The following SLC38A11 variants were observed in gnomAD, a reference collection of about 807,000 sequenced individuals.
The protein encoded by SLC38A11 is solute carrier family 38 member 11.
SLC38A11 carries 51 observed loss-of-function variants against 49.4 expected under a neutral mutation model. The ratio of observed to expected loss-of-function variants is 1.03; its 90% confidence interval spans 0.83 to 1.30. The LOEUF (loss-of-function observed/expected upper bound fraction) is 1.30, where lower values mean the gene tolerates loss of function less well. Ranked by LOEUF, SLC38A11 falls within the 50% of genes most tolerant of loss-of-function variation. The pLI, the probability that SLC38A11 is intolerant of heterozygous loss-of-function variation, is 0.00. For synonymous variants in SLC38A11, 203 were observed against 192.9 expected (o/e 1.05, Z -0.43); for missense variants, 574 against 556.2 (o/e 1.03, Z -0.32).
At position 164,898,312 on chromosome 2, in the gene SLC38A11, T is replaced by G. The variant is rs1257899173; in HGVS notation, c.*125A>C. On this transcript the variant is annotated 3_prime_UTR_variant, in exon 12 of 12. Transcript: ENST00000685975. The stretch of plus-strand genomic sequence containing the variant: ...TTTATCTTTTATATTGCACTACTCA[T>G]AAAAGCCAAGTCTTGATAAAAGCCA... 1 of 732,182 alleles carries G rather than the reference T, an allele frequency of 1.4e-6. No individual in the cohort carries two copies. Among genetic ancestry groups the G allele is most frequent in the East Asian group, 2.7e-5 (1 of 36,448 alleles). 45.4% of individuals were successfully genotyped at this position (732,182 alleles called of 1,614,324 possible). A position where few individuals can be genotyped will look rare whatever the true frequency, so the allele number is the denominator to read the frequency against.
intron 9 of SLC38A11, among the ~76,000 whole-genome samples, chr2:164,913,549 G>A (rs1038474200): frequency 1.3e-5 from 2 of 152,000 alleles, no homozygotes; most frequent in Non-Finnish European, 2.9e-5. Flanking sequence ...GTATTTTAAA[G>A]AATTACAGCT....
Position 164,911,759 on chromosome 2 carries a change from A to C in SLC38A11, c.851-11T>G. 1 of 1,473,450 alleles carries C rather than the reference A, an allele frequency of 6.8e-7. No individual in the cohort carries two copies. The highest frequency in any genetic ancestry group is 1.2e-5 in the South Asian group (1 of 80,704). The allele number at this position is 1,473,450 out of a possible 1,614,324, so 91.3% of individuals were successfully genotyped here. A position where few individuals can be genotyped will look rare whatever the true frequency, so the allele number is the denominator to read the frequency against. The stretch of plus-strand genomic sequence containing the variant: ...TTTCAAATAAGTCCCCTAGATAGTA[A>C]TATAAAATAAGTTTATTTACTAGAT... On this transcript the variant is annotated splice_polypyrimidine_tract_variant and intron_variant, in intron 9 of 11. Coordinates refer to ENST00000685975, the MANE Select transcript of SLC38A11 (RefSeq NM_001351537.2).
chr2:164,950,505 G>T (rs187369299), intron 3 of SLC38A11, among the ~76,000 whole-genome samples: 21 of 152,056 alleles, frequency 1.4e-4, no homozygotes, highest in African/African-American at 5.1e-4. Context: ...AAAAGTTTTA[G>T]GTATCTTAGG....
intron 7 of SLC38A11, chr2:164,922,095 A>G (rs1187981476): frequency 6.6e-6 from 1 of 152,164 alleles, no homozygotes; most frequent in East Asian, 1.9e-4. Context: ...ACAATAAGGC[A>G]ATGTAGAAGA....
At chr2:164,949,184 A>G (rs1224732894) in intron 3 of SLC38A11, among the ~76,000 whole-genome samples, 2 of 101,608 alleles carry the variant, frequency 2.0e-5, no homozygotes. Flanking sequence ...ATGTTTACCC[A>G]TCGGATTCTA....
intron 3 of SLC38A11, 89 bp from the exon 4 acceptor site, chr2:164,945,816 A>C (rs1216867110): frequency 7.0e-7 from 1 of 1,422,318 alleles, no homozygotes; most frequent in Non-Finnish European, 9.6e-7. Flanking sequence ...GAAAAGGGGA[A>C]ATTTTAAAGA....
At chr2:164,949,234 TATTTA>T (rs1026682366) in intron 3 of SLC38A11, among the ~76,000 whole-genome samples, 4 of 151,924 alleles carry the variant, frequency 2.6e-5, no homozygotes, top group African/African-American at 9.7e-5. Flanking sequence ...TATTTTTATT[TATTTA>T]ATTTAATTAA....
At chr2:164,936,595 TAATA>T (rs968039442) in intron 7 of SLC38A11, among the ~76,000 whole-genome samples, 3 of 152,194 alleles carry the variant, frequency 2.0e-5, no homozygotes, top group Non-Finnish European at 4.4e-5. Flanking sequence ...TTTATTCAAC[TAATA>T]TTTATTGTGA....
chr2:164,935,390 C>T (rs1019351572), intron 7 of SLC38A11, among the ~76,000 whole-genome samples: 5 of 151,518 alleles, frequency 3.3e-5, no homozygotes, highest in Non-Finnish European at 7.4e-5. Context: ...CTAATGTAGG[C>T]CAGGCATGGT....
At chr2:164,924,939 T>C (rs1686463131) in intron 7 of SLC38A11, among the ~76,000 whole-genome samples, 3 of 152,218 alleles carry the variant, frequency 2.0e-5, no homozygotes, top group Admixed American at 2.0e-4. Flanking sequence ...TTTGTATTTT[T>C]AGTAGAGACG....
Position 164,902,336 on chromosome 2 carries a change from G to GT in SLC38A11, c.1096-3607dup, listed in dbSNP as rs150945149. On this transcript the variant is annotated intron_variant, in intron 11 of 11. Coordinates refer to ENST00000685975, the MANE Select transcript of SLC38A11 (RefSeq NM_001351537.2). Reference sequence around the variant, plus strand: ...GCACCCAGCTGTTCATGTGGTTTTAGTTTTCATTCTCTTATTATGACATTT... The same window carrying GT: ...GCACCCAGCTGTTCATGTGGTTTTAGTTTTTCATTCTCTTATTATGACATTT... Among the ~76,000 whole-genome samples, 775 of 152,044 alleles carry GT rather than the reference G, an allele frequency of 5.1e-3. 8 individuals are homozygous for GT. Among genetic ancestry groups the GT allele is most frequent in the African/African-American group, 0.018 (727 of 41,498 alleles).
intron 8 of SLC38A11, 188 bp downstream of exon 8, chr2:164,915,715 C>A: frequency 3.7e-6 from 2 of 533,792 alleles, no homozygotes; most frequent in South Asian, 4.0e-5. Flanking sequence ...CAAATTGAAG[C>A]AAATTTTAGT....
chr2:164,918,048 T>C (rs1431686754), intron 7 of SLC38A11, among the ~76,000 whole-genome samples: 1 of 150,936 alleles, frequency 6.6e-6, no homozygotes, highest in Admixed American at 6.6e-5. Context: ...TAAAATAGCC[T>C]AGGATTGAGT....
intron 7 of SLC38A11, among the ~76,000 whole-genome samples, chr2:164,920,838 T>A (rs1337933585): frequency 6.6e-6 from 1 of 152,020 alleles, no homozygotes; most frequent in African/African-American, 2.4e-5. Flanking sequence ...GAGAAAGCAA[T>A]CTGTCTAGAA....
intron 3 of SLC38A11, among the ~76,000 whole-genome samples, chr2:164,948,048 T>C (rs1295788297): frequency 6.6e-6 from 1 of 152,206 alleles, no homozygotes; most frequent in Non-Finnish European, 1.5e-5. Flanking sequence ...TTAAAATATT[T>C]CAGGGAGACC....
intron 3 of SLC38A11, among the ~76,000 whole-genome samples, chr2:164,951,499 G>A (rs1188931875): frequency 6.6e-6 from 1 of 152,160 alleles, no homozygotes; most frequent in African/African-American, 2.4e-5. Flanking sequence ...GTAATAACTA[G>A]AAGCAGTTTA....
rs768979528 is a variant in SLC38A11, at chr2:164,915,247, A to C, written c.715T>G (p.Leu239Val). 7 of 1,608,188 alleles carry C rather than the reference A, an allele frequency of 4.4e-6. No homozygotes were observed. The highest frequency in any genetic ancestry group is 5.9e-6 in the Non-Finnish European group (7 of 1,177,574). Residue 239 changes from leucine to valine, a missense_variant, in exon 9 of 12, where the codon TTA becomes GTA. Coordinates refer to ENST00000685975, the MANE Select transcript of SLC38A11 (RefSeq NM_001351537.2). ...FAFICHHNSFLVYSSLEEPTV... is the reference protein window; with the variant it reads ...FAFICHHNSFVVYSSLEEPTV... The stretch of plus-strand genomic sequence containing the variant: ...GGTTCTTCTAGAGAACTGTAAACTA[A>C]GAAGGAGTTATGGTGGCAAATAAAT...
intron 7 of SLC38A11, among the ~76,000 whole-genome samples, chr2:164,925,681 G>A (rs1559108236): frequency 1.3e-5 from 2 of 152,074 alleles, no homozygotes; most frequent in South Asian, 2.1e-4. Flanking sequence ...TGTCTCCCTA[G>A]CAGCGTATTC....
rs1242548135 is a variant in SLC38A11, at chr2:164,897,563, A to T, written c.*874T>A. Reference sequence around the variant, plus strand: ...ACCCAGTCAACAAGAGCTCCCAGAAATCTCTCTGAGGAACCCCCAGTGGAC... The same window carrying T: ...ACCCAGTCAACAAGAGCTCCCAGAATTCTCTCTGAGGAACCCCCAGTGGAC... On this transcript the variant is annotated 3_prime_UTR_variant, in exon 12 of 12. Transcript: ENST00000685975. 6.6e-6 allele frequency: 1 copy of T among 152,096 alleles called. No individual in the cohort carries two copies. The highest frequency in any genetic ancestry group is 1.5e-5 in the Non-Finnish European group (1 of 68,082). The allele number at this position is 152,096 out of a possible 1,614,324, so 9.4% of individuals were successfully genotyped here.
Sources: allele counts gnomAD v4.1 joint callset (sites outside exome capture counted in the v4.1 genomes callset), GRCh38; gene constraint gnomAD v4.1.1; transcripts MANE v1.5; gene names NCBI Gene and HGNC (gene_info 2026-07-23, HGNC 2026-07-21).